NXPH1: variants seen among roughly 807,000 people sequenced by gnomAD.
The protein encoded by NXPH1 is neurexophilin-1.
In NXPH1, 5 loss-of-function variants were observed where a neutral mutation model predicts 23.7. That is an observed-to-expected ratio of 0.21 (90% CI 0.11 to 0.44). NXPH1 has a LOEUF of 0.44. Among genes scored for constraint, NXPH1 ranks in the 20% least tolerant of loss-of-function variants. NXPH1 has a pLI of 0.99. For missense variants in NXPH1, 324 were observed against 321.6 expected (o/e 1.01, Z -0.06); for synonymous variants, 144 against 122.2 (o/e 1.18, Z -1.18).
intron 2 of NXPH1, among the ~76,000 whole-genome samples, chr7:8,745,010 C>G (rs893269246): frequency 2.0e-5 from 3 of 152,170 alleles, no homozygotes; most frequent in African/African-American, 7.2e-5. Context: ...GGATGACCTA[C>G]TTAAAAAGAA....
At chr7:8,565,896 T>C (rs1027387593) in intron 2 of NXPH1, among the ~76,000 whole-genome samples, 10 of 151,798 alleles carry the variant, frequency 6.6e-5, no homozygotes, top group Admixed American at 5.2e-4. Flanking sequence ...TTTAGTTTAG[T>C]ATTCTCCCAC....
chr7:8,557,801 C>T (rs1235828571), intron 2 of NXPH1, among the ~76,000 whole-genome samples: 4 of 151,700 alleles, frequency 2.6e-5, no homozygotes, highest in Non-Finnish European at 4.4e-5. Flanking sequence ...TTTCAGGATT[C>T]AGTAGAATGC....
At chr7:8,703,298 C>A (rs1213726278) in intron 2 of NXPH1, among the ~76,000 whole-genome samples, 2 of 152,118 alleles carry the variant, frequency 1.3e-5, no homozygotes, top group Non-Finnish European at 2.9e-5. Flanking sequence ...CTGCTTTCTG[C>A]AATTATTACG....
Position 8,435,224 on chromosome 7 carries a change from G to C in NXPH1, c.-110-380G>C, listed in dbSNP as rs1454879987. Reference sequence around the variant, plus strand: ...ACGTGTGTGAGCACTGCCAGGGCTGGCGAAGAACCAGCCGCCGCCTTTAGT... The same window carrying C: ...ACGTGTGTGAGCACTGCCAGGGCTGCCGAAGAACCAGCCGCCGCCTTTAGT... On this transcript the variant is annotated intron_variant, in intron 1 of 2. Coordinates refer to ENST00000405863, the MANE Select transcript of NXPH1 (RefSeq NM_152745.3). This position sits in a 1 kb window ranked among gnomAD's most constrained non-coding sequence, Gnocchi z 5.9. The C allele has an allele frequency of 4.5e-6, 1 of 223,056 alleles. No individual in the cohort carries two copies. The highest frequency in any genetic ancestry group is 2.4e-5 in the African/African-American group (1 of 42,430). 13.8% of individuals were successfully genotyped at this position (223,056 alleles called of 1,614,324 possible). A position where few individuals can be genotyped will look rare whatever the true frequency, so the allele number is the denominator to read the frequency against.
chr7:8,683,450 A>G (rs1001538181), intron 2 of NXPH1, among the ~76,000 whole-genome samples: 18 of 152,274 alleles, frequency 1.2e-4, no homozygotes, highest in Admixed American at 7.2e-4. Flanking sequence ...CAAATTTTCT[A>G]TGATACTTGT....
At chr7:8,629,553 T>C (rs368925562) in intron 2 of NXPH1, among the ~76,000 whole-genome samples, 3 of 152,248 alleles carry the variant, frequency 2.0e-5, no homozygotes, top group South Asian at 2.1e-4. Context: ...TTAAGTTTGG[T>C]GTGTTAATAT....
intron 2 of NXPH1, among the ~76,000 whole-genome samples, chr7:8,444,007 G>T (rs1203377410): frequency 6.6e-6 from 1 of 152,282 alleles, no homozygotes; most frequent in African/African-American, 2.4e-5. Context: ...CTTAAAGTGC[G>T]CCCAGTTCCT....
intron 2 of NXPH1, among the ~76,000 whole-genome samples, chr7:8,680,272 G>T (rs991570926): frequency 4.6e-5 from 7 of 152,232 alleles, no homozygotes; most frequent in African/African-American, 1.7e-4. Flanking sequence ...GTTTGCTGGT[G>T]GTGAATCGGG....
intron 2 of NXPH1, among the ~76,000 whole-genome samples, chr7:8,724,682 T>G (rs1780020454): frequency 6.6e-6 from 1 of 152,234 alleles, no homozygotes. Flanking sequence ...TTAATGGAAC[T>G]GTTTACTTAA....
chr7:8,443,050 C>G (rs769653807), intron 2 of NXPH1, among the ~76,000 whole-genome samples: 3 of 152,240 alleles, frequency 2.0e-5, no homozygotes, highest in Non-Finnish European at 4.4e-5. Context: ...CGCTGCCGCT[C>G]CGGCTGGGTC....
At chr7:8,653,109 ATT>A (rs1238178413) in intron 2 of NXPH1, among the ~76,000 whole-genome samples, 1 of 150,274 alleles carries the variant, frequency 6.7e-6, no homozygotes, top group Non-Finnish European at 1.5e-5. Context: ...CGTTTTTCAC[ATT>A]CTCTGCTTTT....
At chr7:8,574,940 T>A (rs143811484) in intron 2 of NXPH1, among the ~76,000 whole-genome samples, 3 of 152,272 alleles carry the variant, frequency 2.0e-5, no homozygotes, top group African/African-American at 7.2e-5. Context: ...TCAAGTAGTT[T>A]TATGGCACTT....
At chr7:8,713,007 C>A (rs1217914452) in intron 2 of NXPH1, among the ~76,000 whole-genome samples, 1 of 149,750 alleles carries the variant, frequency 6.7e-6, no homozygotes, top group East Asian at 2.0e-4. Context: ...AGCTTTTTAC[C>A]CCCCTCTCTC....
intron 2 of NXPH1, among the ~76,000 whole-genome samples, chr7:8,448,288 C>A (rs747125991): frequency 3.9e-5 from 6 of 152,168 alleles, no homozygotes; most frequent in Admixed American, 1.3e-4. Context: ...CAATGATGAA[C>A]TAACAAAGAA....
intron 2 of NXPH1, among the ~76,000 whole-genome samples, chr7:8,571,816 A>G (rs1380315451): frequency 6.6e-6 from 1 of 151,870 alleles, no homozygotes; most frequent in African/African-American, 2.4e-5. Context: ...CAGGAATTCA[A>G]GCTCTGGAAT....
At chr7:8,555,256 G>C (rs1229326837) in intron 2 of NXPH1, among the ~76,000 whole-genome samples, 5 of 151,824 alleles carry the variant, frequency 3.3e-5, no homozygotes, top group African/African-American at 1.2e-4. Flanking sequence ...ATTGGAGGCT[G>C]CATTTGTGAA....
intron 2 of NXPH1, among the ~76,000 whole-genome samples, chr7:8,462,364 A>C (rs1406860265): frequency 1.3e-5 from 2 of 152,318 alleles, no homozygotes; most frequent in East Asian, 1.9e-4. Flanking sequence ...ATAATTTATA[A>C]ATATTTTATG....
chr7:8,699,402 G>A (rs577949917), intron 2 of NXPH1, among the ~76,000 whole-genome samples: 13 of 151,690 alleles, frequency 8.6e-5, no homozygotes, highest in Admixed American at 3.9e-4. Flanking sequence ...TTCACATAGT[G>A]AAATGTTCTT....
At chr7:8,455,614 T>A (rs1816581467) in intron 2 of NXPH1, among the ~76,000 whole-genome samples, 1 of 141,046 alleles carries the variant, frequency 7.1e-6, no homozygotes, top group Non-Finnish European at 1.6e-5. Flanking sequence ...GAGAGAATGT[T>A]AATTCCCAGA....
Sources: allele counts gnomAD v4.1 joint callset (sites outside exome capture counted in the v4.1 genomes callset), GRCh38; gene constraint gnomAD v4.1.1; non-coding constraint Gnocchi (gnomAD v3.1); transcripts MANE v1.5; gene names NCBI Gene and HGNC (gene_info 2026-07-23, HGNC 2026-07-21).